STXBP5L: variants seen among roughly 807,000 people sequenced by gnomAD.
STXBP5L encodes the protein syntaxin-binding protein 5-like.
STXBP5L carries 65 observed loss-of-function variants against 144.5 expected under a neutral mutation model. The ratio of observed to expected loss-of-function variants is 0.45; its 90% CI spans 0.37 to 0.55. The LOEUF (loss-of-function observed/expected upper bound fraction) is 0.55. Among genes scored for constraint, STXBP5L ranks in the 20% least tolerant of loss-of-function variants. The pLI is 0.00. For synonymous variants in STXBP5L, 505 were observed against 469.6 expected (o/e 1.08, Z -0.97); for missense variants, 1,298 against 1,405.5 (o/e 0.92, Z 1.22).
intron 3 of STXBP5L, among the ~76,000 whole-genome samples, chr3:121,015,965 AAC>A (rs1945116785): frequency 6.6e-6 from 1 of 152,214 alleles, no homozygotes; most frequent in Non-Finnish European, 1.5e-5. Flanking sequence ...ATAACATGCT[AAC>A]CAGTCTTCAT....
chr3:121,065,070 A>AT lies in STXBP5L; in HGVS notation c.470+19547dup, dbSNP rs34433284. ...CATTCTTGTGGCTGCAAAGGTTGTG[A>AT]TTTTTTTTTTTTATGGCTGCATAGT... On this transcript the variant is annotated intron_variant, in intron 5 of 26. Transcript: ENST00000471454. 4.0e-3 allele frequency among the ~76,000 whole-genome samples: 588 copies of AT among 145,642 alleles called. 1 individual carries two copies. The highest frequency in any genetic ancestry group is 8.7e-3 in the South Asian group (40 of 4,614).
chr3:121,017,408 T>C (rs908173931), intron 3 of STXBP5L, among the ~76,000 whole-genome samples: 1 of 152,264 alleles, frequency 6.6e-6, no homozygotes, highest in African/African-American at 2.4e-5. Context: ...CAAGGATTTC[T>C]ATTTAACATC....
intron 19 of STXBP5L, among the ~76,000 whole-genome samples, chr3:121,283,733 C>T (rs1162152075): frequency 6.6e-6 from 1 of 151,980 alleles, no homozygotes; most frequent in East Asian, 1.9e-4. Flanking sequence ...TTGCTGATTC[C>T]TGCTCTGTGC....
chr3:121,369,628 TACTC>T (rs1237610881), intron 20 of STXBP5L, among the ~76,000 whole-genome samples: 1 of 152,168 alleles, frequency 6.6e-6, no homozygotes, highest in Non-Finnish European at 1.5e-5. Context: ...CTCCAGTCCT[TACTC>T]ACTGGCTTCA....
intron 9 of STXBP5L, among the ~76,000 whole-genome samples, chr3:121,163,950 G>A (rs1236952507): frequency 6.6e-6 from 1 of 152,046 alleles, no homozygotes; most frequent in Non-Finnish European, 1.5e-5. Context: ...CAGGTTTATT[G>A]GGGTATAGTT....
At chr3:121,358,199 G>A (rs184934696) in intron 20 of STXBP5L, among the ~76,000 whole-genome samples, 49 of 152,176 alleles carry the variant, frequency 3.2e-4, no homozygotes, top group Middle Eastern at 6.8e-3. Flanking sequence ...TCAAATAGTA[G>A]GTCTGATTCT....
chr3:121,355,036 G>A (rs2045451990), intron 20 of STXBP5L, among the ~76,000 whole-genome samples: 2 of 152,164 alleles, frequency 1.3e-5, no homozygotes, highest in South Asian at 4.1e-4. Flanking sequence ...CTGGCTTGTA[G>A]GGTTTCTGCC....
intron 3 of STXBP5L, among the ~76,000 whole-genome samples, chr3:120,972,671 T>G (rs976196557): frequency 6.6e-6 from 1 of 152,126 alleles, no homozygotes; most frequent in Non-Finnish European, 1.5e-5. Flanking sequence ...TGCTTTCAAC[T>G]CTACCTCATT....
chr3:121,293,445 T>C (rs1011707070), intron 19 of STXBP5L, among the ~76,000 whole-genome samples: 1 of 124,504 alleles, frequency 8.0e-6, no homozygotes, highest in Non-Finnish European at 1.7e-5. Flanking sequence ...TATGTCAAAA[T>C]GTATTCAAAT....
At position 121,419,231 on chromosome 3, in the gene STXBP5L, A is replaced by T. The variant is rs756302118; in HGVS notation, c.*134A>T. The T allele has an allele frequency of 1.1e-6, 1 of 889,300 alleles. No individual in the cohort carries two copies. The highest frequency in any genetic ancestry group is 3.0e-5 in the Admixed American group (1 of 32,968). The allele number at this position is 889,300 out of a possible 1,614,324, so 55.1% of individuals were successfully genotyped here. On this transcript the variant is annotated 3_prime_UTR_variant, in exon 27 of 27. Transcript: ENST00000471454. ...CATTTACAGTCAATCTGAAATTTTCATAAAAGAGATGTATCAGAGACACTG... is the reference window on the plus strand; with the variant it reads ...CATTTACAGTCAATCTGAAATTTTCTTAAAAGAGATGTATCAGAGACACTG...
chr3:121,306,997 A>C (rs1258976087), intron 19 of STXBP5L, among the ~76,000 whole-genome samples: 1 of 152,200 alleles, frequency 6.6e-6, no homozygotes, highest in Non-Finnish European at 1.5e-5. Context: ...AGAGAGATGA[A>C]GGAGATAGTT....
intron 3 of STXBP5L, among the ~76,000 whole-genome samples, chr3:120,971,373 A>AC (rs11293812): frequency 7.3e-4 from 108 of 148,088 alleles, no homozygotes; most frequent in African/African-American, 1.6e-3. Flanking sequence ...CTTCACCCGC[A>AC]CCCCCCCCAA....
At chr3:121,003,770 T>C (rs1455376890) in intron 3 of STXBP5L, among the ~76,000 whole-genome samples, 3 of 152,176 alleles carry the variant, frequency 2.0e-5, no homozygotes, top group Non-Finnish European at 4.4e-5. Flanking sequence ...TTTCTACATA[T>C]GGCTAGGCAG....
chr3:120,988,931 T>C (rs952878887), intron 3 of STXBP5L, among the ~76,000 whole-genome samples: 1 of 152,130 alleles, frequency 6.6e-6, no homozygotes, highest in African/African-American at 2.4e-5. Flanking sequence ...ACTTTATTTC[T>C]GAGATATTTC....
At chr3:121,124,545 C>T (rs1294799749) in intron 7 of STXBP5L, among the ~76,000 whole-genome samples, 1 of 151,858 alleles carries the variant, frequency 6.6e-6, no homozygotes, top group African/African-American at 2.4e-5. Context: ...ATTTATTGCT[C>T]TTGTGACTTG....
intron 2 of STXBP5L, among the ~76,000 whole-genome samples, chr3:120,941,807 C>T (rs537798550): frequency 2.6e-4 from 40 of 151,676 alleles, no homozygotes; most frequent in African/African-American, 8.9e-4. Context: ...GAGTTTAGAA[C>T]TTATTTGGGG....
chr3:121,047,757 G>C (rs1947624065), intron 5 of STXBP5L, among the ~76,000 whole-genome samples: 2 of 152,090 alleles, frequency 1.3e-5, no homozygotes, highest in Non-Finnish European at 1.5e-5. Context: ...TGTGAGATGG[G>C]TCTCTTGAAG....
At chr3:121,269,497 G>A (rs763511847) in intron 18 of STXBP5L, among the ~76,000 whole-genome samples, 3 of 151,954 alleles carry the variant, frequency 2.0e-5, no homozygotes, top group Non-Finnish European at 4.4e-5. Context: ...TAGTTTATTA[G>A]TGACAGCAAA....
chr3:121,397,470 C>T (rs973518431), intron 22 of STXBP5L, among the ~76,000 whole-genome samples: 2 of 152,158 alleles, frequency 1.3e-5, no homozygotes, highest in Non-Finnish European at 2.9e-5. Context: ...CTTTACTTAG[C>T]GGCCATTGTT....
Sources: gnomAD v4.1 joint callset for allele counts (sites outside exome capture counted in the v4.1 genomes callset) on GRCh38, gnomAD v4.1.1 for gene constraint, MANE v1.5 for transcripts, NCBI Gene and HGNC (gene_info 2026-07-23, HGNC 2026-07-21) for gene names.